PDPN: variants seen among roughly 807,000 people sequenced by gnomAD.
PDPN encodes PA2.26 antigen.
PDPN carries 12 observed loss-of-function variants against 23.2 expected under a neutral mutation model. The ratio of observed to expected loss-of-function variants is 0.52; its 90% CI spans 0.33 to 0.84. The LOEUF is 0.84. PDPN is among the 40% of genes least tolerant of loss of function. The pLI is 0.02. For synonymous variants in PDPN, 77 were observed against 76.7 expected (o/e 1.00, Z -0.02); for missense variants, 199 against 212.2 (o/e 0.94, Z 0.39).
In PDPN at chr1:13,610,381, C is replaced by T. The variant is rs1557549944; in HGVS notation, c.202-6C>T. On this transcript the variant is annotated splice_polypyrimidine_tract_variant and splice_region_variant and intron_variant, in intron 2 of 5. Coordinates refer to ENST00000621990, the MANE Select transcript of PDPN (RefSeq NM_006474.5). ...TCCTGTTTTTCCTCATTTACACCTACAATAGGTGGCAACAAGTGTCAACAG... is the reference window on the plus strand; with the variant it reads ...TCCTGTTTTTCCTCATTTACACCTATAATAGGTGGCAACAAGTGTCAACAG... 1.2e-6 allele frequency: 2 copies of T among 1,611,404 alleles called. No homozygotes were observed. The highest frequency in any genetic ancestry group is 1.7e-6 in the Non-Finnish European group (2 of 1,178,128).
Position 13,584,076 on chromosome 1 carries a change from T to A in PDPN, c.43T>A (p.Ser15Thr). 1 of 1,613,080 alleles carries A rather than the reference T, an allele frequency of 6.2e-7. No individual in the cohort carries two copies. The highest frequency in any genetic ancestry group is 8.5e-7 in the Non-Finnish European group (1 of 1,179,980). Reference sequence around the variant, plus strand: ...TCTGCTCTTCGTTTTGGGAAGCGCGTCGCTCTGGGTCCTGGCAGAAGGAGG... The same window carrying A: ...TCTGCTCTTCGTTTTGGGAAGCGCGACGCTCTGGGTCCTGGCAGAAGGAGG... The part of the protein sequence containing the change: ...SALLFVLGSA[S>T]LWVLAEGAST... Residue 15 changes from serine to threonine, a missense_variant, in exon 1 of 6, where the codon TCG (serine) becomes ACG (threonine). Ser to Thr is a moderately conservative substitution (Grantham distance 58). Transcript: ENST00000621990.
chr1:13,606,967 C>T (rs558447893), intron 1 of PDPN, among the ~76,000 whole-genome samples: 23 of 152,242 alleles, frequency 1.5e-4, no homozygotes, highest in South Asian at 1.0e-3. Context: ...TGCTTTGCAA[C>T]GGAGATAACC....
intron 1 of PDPN, among the ~76,000 whole-genome samples, chr1:13,595,434 G>A (rs929670598): frequency 9.9e-5 from 15 of 152,084 alleles, no homozygotes; most frequent in Non-Finnish European, 2.1e-4. Flanking sequence ...TGACCCAGAG[G>A]GGACACCTCC....
chr1:13,588,379 C>G (rs555951137), intron 1 of PDPN, among the ~76,000 whole-genome samples: 9 of 151,928 alleles, frequency 5.9e-5, no homozygotes, highest in African/African-American at 1.7e-4. Context: ...CAGGGCACTT[C>G]CCACAATTCA....
intron 1 of PDPN, among the ~76,000 whole-genome samples, chr1:13,601,260 ACT>A (rs1404933855): frequency 6.6e-6 from 1 of 152,068 alleles, no homozygotes; most frequent in Non-Finnish European, 1.5e-5. Context: ...GCTTCTGGAG[ACT>A]CTGCAGACAG....
At chr1:13,583,797 G>T (rs1361530646), upstream of PDPN, 5 of 1,529,684 alleles carry the variant, frequency 3.3e-6, no homozygotes, top group African/African-American at 6.9e-5. Context: ...GCCTCCTCGG[G>T]AGAGATAAAT....
chr1:13,607,954 A>C (rs1449862311), intron 2 of PDPN, among the ~76,000 whole-genome samples: 1 of 151,898 alleles, frequency 6.6e-6, no homozygotes, highest in Non-Finnish European at 1.5e-5. Flanking sequence ...AAAATACAAA[A>C]ATTAGCTGGG....
chr1:13,611,017 C>G (rs1640920512), intron 3 of PDPN, among the ~76,000 whole-genome samples: 1 of 152,084 alleles, frequency 6.6e-6, no homozygotes, highest in Admixed American at 6.6e-5. Context: ...GTCAGGAGAT[C>G]AAGACCATCC....
In PDPN at chr1:13,601,248, C is replaced by T. The variant is rs1570036529; in HGVS notation, c.68-5925C>T. Among the ~76,000 whole-genome samples the T allele has an allele frequency of 2.0e-5, 3 of 152,218 alleles. No individual in the cohort carries two copies. In the East Asian group the frequency reaches 5.8e-4, roughly 29 times the overall value. ...AGTGAAGAGAGCACGGATTTAGAAA[C>T]AGCTTCTGGAGACTCTGCAGACAGA... On this transcript the variant is annotated intron_variant, in intron 1 of 5. Coordinates refer to ENST00000621990, the MANE Select transcript of PDPN (RefSeq NM_006474.5).
intron 1 of PDPN, 88 bp downstream of exon 1, chr1:13,584,188 G>A: frequency 6.5e-7 from 1 of 1,541,308 alleles, no homozygotes. Flanking sequence ...TGGTATTCGA[G>A]GTTGTCCAGG....
chr1:13,616,019 C>T lies in PDPN; in HGVS notation c.*108C>T, dbSNP rs796172362. ...GAGAAGATGACCCGTGGAACACTTG[C>T]CTGGCCCACTCAGAATCCACGGTGA... On this transcript the variant is annotated 3_prime_UTR_variant, in exon 6 of 6. Coordinates refer to ENST00000621990, the MANE Select transcript of PDPN (RefSeq NM_006474.5). The T allele has an allele frequency of 1.9e-6, 2 of 1,047,582 alleles. No individual in the cohort carries two copies. The highest frequency in any genetic ancestry group is 1.5e-6 in the Non-Finnish European group (1 of 668,908). 64.9% of individuals were successfully genotyped at this position (1,047,582 alleles called of 1,614,324 possible). A position where few individuals can be genotyped will look rare whatever the true frequency, so the allele number is the denominator to read the frequency against.
chr1:13,606,034 G>T (rs2604095), intron 1 of PDPN, among the ~76,000 whole-genome samples: 2 of 151,418 alleles, frequency 1.3e-5, no homozygotes, highest in Non-Finnish European at 2.9e-5. Flanking sequence ...ATTGGGTTTC[G>T]GCTGGAGTGC....
intron 1 of PDPN, among the ~76,000 whole-genome samples, chr1:13,586,582 G>A (rs1342093923): frequency 6.6e-6 from 1 of 152,008 alleles, no homozygotes; most frequent in African/African-American, 2.4e-5. Flanking sequence ...TCAGGCCAAA[G>A]GACACAACCA....
chr1:13,599,803 G>T (rs1640596008), intron 1 of PDPN, among the ~76,000 whole-genome samples: 1 of 152,112 alleles, frequency 6.6e-6, no homozygotes, highest in African/African-American at 2.4e-5. Context: ...CTTGGCAGGT[G>T]CTTGGTAAAT....
At chr1:13,598,861 G>A (rs1640564032) in intron 1 of PDPN, among the ~76,000 whole-genome samples, 1 of 152,114 alleles carries the variant, frequency 6.6e-6, no homozygotes, top group Non-Finnish European at 1.5e-5. Flanking sequence ...TGGACATTGA[G>A]ATGAGGCAGC....
intron 1 of PDPN, among the ~76,000 whole-genome samples, chr1:13,596,844 G>A (rs927344868): frequency 8.5e-5 from 13 of 152,174 alleles, no homozygotes; most frequent in Non-Finnish European, 4.4e-5. Flanking sequence ...GGAAGCAACA[G>A]CAAACAGCTA....
chr1:13,613,870 C>CTTTTTTTTT (rs34784418), intron 4 of PDPN, 145 bp downstream of exon 4: 1 of 211,830 alleles, frequency 4.7e-6, no homozygotes, highest in Non-Finnish European at 8.8e-6. Flanking sequence ...AGATTTCAAG[C>CTTTTTTTTT]TTTTTTTTTT....
At chr1:13,614,889 G>C (rs1177381828) in intron 5 of PDPN, 1 of 499,236 alleles carries the variant, frequency 2.0e-6, no homozygotes, top group East Asian at 5.5e-5. Flanking sequence ...CAAAATAAGA[G>C]AGTCAGAGCC....
chr1:13,587,338 A>G (rs1010844330), intron 1 of PDPN, among the ~76,000 whole-genome samples: 5 of 152,182 alleles, frequency 3.3e-5, no homozygotes, highest in African/African-American at 1.2e-4. Flanking sequence ...CTCACATGCT[A>G]AAGTGTGCCC....
Sources: allele counts gnomAD v4.1 joint callset (sites outside exome capture counted in the v4.1 genomes callset), GRCh38; gene constraint gnomAD v4.1.1; transcripts MANE v1.5; gene names NCBI Gene and HGNC (gene_info 2026-07-23, HGNC 2026-07-21).